CDH18: variants seen among roughly 807,000 people sequenced by gnomAD.
CDH18 encodes cadherin-18.
CDH18 carries 31 observed loss-of-function variants against 67.9 expected under a neutral mutation model. The observed-to-expected ratio is 0.46, with a 90% confidence interval of 0.34 to 0.62. The LOEUF (loss-of-function observed/expected upper bound fraction) is 0.62. Ranked by LOEUF, CDH18 falls within the 20% of genes least tolerant of loss-of-function variation. The pLI, the probability that CDH18 is intolerant of heterozygous loss-of-function variation, is 0.01. For missense variants in CDH18, 890 were observed against 975.5 expected (o/e 0.91, Z 1.17); for synonymous variants, 362 against 347.2 (o/e 1.04, Z -0.48).
chr5:19,972,896 C>T (rs142333315), intron 2 of CDH18, among the ~76,000 whole-genome samples: 176 of 151,922 alleles, frequency 1.2e-3, no homozygotes, highest in African/African-American at 4.1e-3. Flanking sequence ...ATAGTAAATA[C>T]AACAGTAAAT....
At chr5:19,789,004 G>C (rs1040996435) in intron 3 of CDH18, among the ~76,000 whole-genome samples, 1 of 152,168 alleles carries the variant, frequency 6.6e-6, no homozygotes, top group African/African-American at 2.4e-5. Context: ...TGAGGGAAGA[G>C]CCGCCTATAC....
intron 11 of CDH18, among the ~76,000 whole-genome samples, chr5:19,484,483 C>G (rs1740029340): frequency 6.6e-6 from 1 of 152,128 alleles, no homozygotes; most frequent in Admixed American, 6.6e-5. Flanking sequence ...ATTCCTCGTC[C>G]CTGAATGCAT....
chr5:19,791,231 G>C (rs919684484), intron 3 of CDH18, among the ~76,000 whole-genome samples: 1 of 152,018 alleles, frequency 6.6e-6, no homozygotes. Flanking sequence ...GAGAGTGGCA[G>C]TGCGTGTGGT....
intron 2 of CDH18, among the ~76,000 whole-genome samples, chr5:20,058,853 T>C (rs919579762): frequency 5.3e-5 from 8 of 152,194 alleles, no homozygotes; most frequent in African/African-American, 1.9e-4. Flanking sequence ...ACAGTTGCAG[T>C]TCTAATTACT....
chr5:19,581,218 C>T (rs963430909), intron 7 of CDH18, among the ~76,000 whole-genome samples: 1 of 151,938 alleles, frequency 6.6e-6, no homozygotes, highest in Non-Finnish European at 1.5e-5. Context: ...TGAGTTGACA[C>T]TGATTTTCAT....
intron 1 of CDH18, among the ~76,000 whole-genome samples, chr5:20,408,194 C>T (rs181799372): frequency 1.3e-5 from 2 of 151,970 alleles, no homozygotes; most frequent in Admixed American, 1.3e-4. Flanking sequence ...AAGACTTTCC[C>T]CGGTAAATAA....
chr5:19,775,549 G>A (rs980345512), intron 3 of CDH18, among the ~76,000 whole-genome samples: 2 of 151,988 alleles, frequency 1.3e-5, no homozygotes, highest in African/African-American at 4.8e-5. Flanking sequence ...CAGTGGGGGG[G>A]AGATGCCACA....
At chr5:20,434,794 G>A (rs1004822201) in intron 1 of CDH18, among the ~76,000 whole-genome samples, 9 of 151,992 alleles carry the variant, frequency 5.9e-5, no homozygotes, top group African/African-American at 1.9e-4. Flanking sequence ...TAAAAAGGGT[G>A]TCAGTGTTTC....
chr5:20,537,833 C>T (rs945724005), intron 1 of CDH18, among the ~76,000 whole-genome samples: 2 of 152,016 alleles, frequency 1.3e-5, no homozygotes, highest in Non-Finnish European at 2.9e-5. Flanking sequence ...CTTTGTCGTC[C>T]TCTGTGTTAT....
At chr5:19,587,073 A>G (rs985983454) in intron 7 of CDH18, among the ~76,000 whole-genome samples, 1 of 151,820 alleles carries the variant, frequency 6.6e-6, no homozygotes, top group Non-Finnish European at 1.5e-5. Context: ...TTTTCTTGCA[A>G]ATACATTTAA....
At chr5:19,729,820 A>C (rs935019885) in intron 4 of CDH18, among the ~76,000 whole-genome samples, 1 of 152,132 alleles carries the variant, frequency 6.6e-6, no homozygotes, top group African/African-American at 2.4e-5. Flanking sequence ...GTATATTTGC[A>C]TATTATCTCA....
intron 2 of CDH18, among the ~76,000 whole-genome samples, chr5:20,110,097 C>T (rs1747329553): frequency 6.6e-6 from 1 of 152,144 alleles, no homozygotes. Flanking sequence ...CTCTACATGC[C>T]TTTGAAAAAT....
intron 1 of CDH18, among the ~76,000 whole-genome samples, chr5:20,286,041 C>G (rs1293938330): frequency 6.6e-6 from 1 of 151,434 alleles, no homozygotes; most frequent in Non-Finnish European, 1.5e-5. Context: ...AAAAGCTCAA[C>G]AAGTGTGAAA....
intron 1 of CDH18, among the ~76,000 whole-genome samples, chr5:20,514,686 C>T (rs1251700103): frequency 1.3e-5 from 2 of 152,024 alleles, no homozygotes; most frequent in Non-Finnish European, 2.9e-5. Context: ...TAAGGCCTTA[C>T]ACCATAACAT....
At chr5:19,754,083 AAAAC>A (rs968123113) in intron 3 of CDH18, among the ~76,000 whole-genome samples, 2 of 152,124 alleles carry the variant, frequency 1.3e-5, no homozygotes, top group African/African-American at 4.8e-5. Context: ...AACCAAAAAC[AAAAC>A]AAACAAACAA....
At chr5:20,123,061 ATAT>A (rs1161481344) in intron 2 of CDH18, among the ~76,000 whole-genome samples, 1 of 148,718 alleles carries the variant, frequency 6.7e-6, no homozygotes, top group African/African-American at 2.4e-5. Context: ...GTATCTTCAA[ATAT>A]TATATATATG....
At chr5:20,177,997 C>T (rs529622796) in intron 2 of CDH18, among the ~76,000 whole-genome samples, 19 of 152,142 alleles carry the variant, frequency 1.2e-4, no homozygotes, top group Admixed American at 9.8e-4. Context: ...ATCAGCAGCA[C>T]GAGAAAAGAC....
intron 4 of CDH18, among the ~76,000 whole-genome samples, chr5:19,722,185 C>G (rs1350496160): frequency 6.6e-6 from 1 of 152,068 alleles, no homozygotes; most frequent in Non-Finnish European, 1.5e-5. Flanking sequence ...TCCTGAGTAG[C>G]TAGGACTACA....
At chr5:19,845,899 C>T (rs2150053165) in intron 2 of CDH18, among the ~76,000 whole-genome samples, 1 of 151,552 alleles carries the variant, frequency 6.6e-6, no homozygotes, top group South Asian at 2.1e-4. Flanking sequence ...GATTTGTGTC[C>T]AGAAATCTAA....
Sources: gnomAD v4.1 joint callset for allele counts (sites outside exome capture counted in the v4.1 genomes callset) on GRCh38, gnomAD v4.1.1 for gene constraint, MANE v1.5 for transcripts, NCBI Gene and HGNC (gene_info 2026-07-23, HGNC 2026-07-21) for gene names.